LRRC7: variants seen among roughly 807,000 people sequenced by gnomAD.
LRRC7 encodes the protein leucine-rich repeat-containing protein 7.
A neutral mutation model predicts 175.7 loss-of-function variants in LRRC7; 23 were observed. That is an observed-to-expected ratio of 0.13 (90% CI 0.09 to 0.19). The LOEUF is 0.19. Among genes scored for constraint, LRRC7 ranks in the 10% least tolerant of loss-of-function variants. The probability of loss-of-function intolerance (pLI) is 1.00; values close to 1 mark genes in which losing one functional copy is unlikely to be tolerated. For missense variants in LRRC7, 1,354 were observed against 1,904.7 expected (o/e 0.71, Z 5.38); for synonymous variants, 685 against 680.9 (o/e 1.01, Z -0.09).
intron 18 of LRRC7, among the ~76,000 whole-genome samples, chr1:70,035,027 C>T (rs1030899392): frequency 6.6e-6 from 1 of 152,002 alleles, no homozygotes; most frequent in Non-Finnish European, 1.5e-5. Context: ...TAAGACAGGA[C>T]TTTTTAAATT....
chr1:70,127,983 A>G lies in LRRC7; in HGVS notation c.*6096A>G, dbSNP rs887764200. On this transcript the variant is annotated 3_prime_UTR_variant, in exon 27 of 27. Coordinates refer to ENST00000651989, the MANE Select transcript of LRRC7 (RefSeq NM_001370785.2). ...CTTTTCTTTCTTTTTTTTTCTTGAGACAGAGTCTTGCTGTGTCACCCAGGC... is the reference window on the plus strand; with the variant it reads ...CTTTTCTTTCTTTTTTTTTCTTGAGGCAGAGTCTTGCTGTGTCACCCAGGC... Among the ~76,000 whole-genome samples the G allele has an allele frequency of 1.3e-5, 2 of 151,724 alleles. No homozygotes were observed. Among genetic ancestry groups the G allele is most frequent in the Non-Finnish European group, 2.9e-5 (2 of 67,940 alleles).
intron 21 of LRRC7, among the ~76,000 whole-genome samples, chr1:70,041,721 A>G (rs750301626): frequency 6.6e-6 from 1 of 152,270 alleles, no homozygotes; most frequent in East Asian, 1.9e-4. Flanking sequence ...AGTGAAAACA[A>G]CTAATGAAAA....
At position 69,591,598 on chromosome 1, in the gene LRRC7, CT is replaced by C. The variant is rs556809601; in HGVS notation, c.2+22958del. On this transcript the variant is annotated intron_variant, in intron 1 of 26. Transcript: ENST00000651989. ...TCTGGTCCTTAGTGTTTTCACAACT[CT>C]ATGGTTCCACAGTTTTACATAATCC... Among the ~76,000 whole-genome samples, 315 of 152,164 alleles carry C rather than the reference CT, an allele frequency of 2.1e-3. 2 individuals carry two copies. The highest frequency in any genetic ancestry group is 7.3e-3 in the African/African-American group (302 of 41,552).
rs373179696 is a variant in LRRC7, at chr1:69,575,515, T to A, written c.2+6874T>A. On this transcript the variant is annotated intron_variant, in intron 1 of 26. Transcript: ENST00000651989. Reference sequence around the variant, plus strand: ...ACTTGACTGTCTAGGCAGACTCCTATGCTATAAATTTAACATCTGTTAAGT... The same window carrying A: ...ACTTGACTGTCTAGGCAGACTCCTAAGCTATAAATTTAACATCTGTTAAGT... Among the ~76,000 whole-genome samples, 246 of 152,306 alleles carry A rather than the reference T, an allele frequency of 1.6e-3. 1 individual carries two copies. The Middle Eastern group carries it at 0.048, about 29-fold the overall frequency.
intron 1 of LRRC7, among the ~76,000 whole-genome samples, chr1:69,627,495 T>C (rs113228715): frequency 0.13 from 19,529 of 152,222 alleles, 1,599 homozygotes; most frequent in South Asian, 0.19. Context: ...GATGGGTAGA[T>C]TGCAAATATT....
At chr1:70,018,481 G>A (rs1220290723) in intron 14 of LRRC7, among the ~76,000 whole-genome samples, 1 of 152,024 alleles carries the variant, frequency 6.6e-6, no homozygotes, top group Non-Finnish European at 1.5e-5. Context: ...TTGCCCAGTT[G>A]AATAGGTTTT....
At chr1:69,805,271 T>TC (rs2101112614) in intron 4 of LRRC7, among the ~76,000 whole-genome samples, 1 of 151,896 alleles carries the variant, frequency 6.6e-6, no homozygotes, top group Non-Finnish European at 1.5e-5. Flanking sequence ...GGACTTTTTT[T>TC]CTCTCAAATA....
At chr1:69,819,575 C>CTGAGTG (rs1343426681) in intron 4 of LRRC7, among the ~76,000 whole-genome samples, 3 of 133,254 alleles carry the variant, frequency 2.3e-5, no homozygotes, top group African/African-American at 9.4e-5. Flanking sequence ...CTCTCTCTCT[C>CTGAGTG]TCTGTGTGTG....
chr1:69,607,013 G>T (rs1250733205), intron 1 of LRRC7: 2 of 152,056 alleles, frequency 1.3e-5, no homozygotes, highest in Non-Finnish European at 2.9e-5. Flanking sequence ...TTGGTTTTAT[G>T]ATTTGACTAT....
chr1:69,790,883 A>G (rs547871632), intron 3 of LRRC7, among the ~76,000 whole-genome samples: 2 of 152,152 alleles, frequency 1.3e-5, no homozygotes, highest in Non-Finnish European at 2.9e-5. Flanking sequence ...GGCACCAAAC[A>G]TGACCCAAAG....
chr1:70,039,196 T>A lies in LRRC7; in HGVS notation c.3372T>A (p.Phe1124Leu), dbSNP rs773385783. The change falls in exon 21 of 27, where the codon TTT becomes TTA. Residue 1124 changes from phenylalanine (F) to leucine (L), a missense_variant. Physicochemically the swap from Phe to Leu is conservative, Grantham distance 22. Coordinates refer to ENST00000651989, the MANE Select transcript of LRRC7 (RefSeq NM_001370785.2). ...YRGYPPMEQM[F>L]SFSQPSVNED... ...GATACCCACCGATGGAGCAAATGTT[T>A]TCATTTTCTCAGCCATCTGTGAATG... 6.2e-7 allele frequency: 1 copy of A among 1,614,148 alleles called. No homozygotes were observed. The highest frequency in any genetic ancestry group is 1.7e-5 in the Admixed American group (1 of 60,028).
intron 1 of LRRC7, among the ~76,000 whole-genome samples, chr1:69,588,737 A>C (rs868835473): frequency 2.0e-4 from 30 of 152,210 alleles, no homozygotes; most frequent in Non-Finnish European, 3.7e-4. Flanking sequence ...CTAAACTATT[A>C]AAGTCTAGAG....
At chr1:69,904,379 T>C (rs1257600869) in intron 7 of LRRC7, among the ~76,000 whole-genome samples, 2 of 152,084 alleles carry the variant, frequency 1.3e-5, no homozygotes, top group African/African-American at 4.8e-5. Flanking sequence ...ACAATGCATG[T>C]AGAATCACAG....
chr1:69,949,671 GTATTTTAACAATGCCA>G (rs764726292), intron 8 of LRRC7, among the ~76,000 whole-genome samples: 47 of 151,838 alleles, frequency 3.1e-4, no homozygotes, highest in Admixed American at 9.2e-4. Context: ...CAATATTTTG[GTATTTTAACAATGCCA>G]TAAACAACTT....
At position 69,938,994 on chromosome 1, in the gene LRRC7, A is replaced by ATT. The variant is rs1408027617; in HGVS notation, c.711+7425_711+7426dup. On this transcript the variant is annotated intron_variant, in intron 8 of 26. Transcript: ENST00000651989. ...ATTTGTAAAGCCACTAAGGCTGTAG[A>ATT]TTATATATATATATATATATCTATA... 9.7e-4 allele frequency among the ~76,000 whole-genome samples: 116 copies of ATT among 118,982 alleles called. 3 individuals carry two copies. Among genetic ancestry groups the ATT allele is most frequent in the African/African-American group, 3.6e-3 (106 of 29,556 alleles). The allele number at this position is 118,982 out of a possible 152,430, so 78.1% of individuals were successfully genotyped here.
intron 2 of LRRC7, among the ~76,000 whole-genome samples, chr1:69,732,358 T>C (rs1667671529): frequency 1.3e-5 from 2 of 152,148 alleles, no homozygotes; most frequent in South Asian, 4.1e-4. Context: ...ATACAGCTAA[T>C]TGCTCAAGGA....
At chr1:69,888,295 T>G (rs12740339) in intron 7 of LRRC7, among the ~76,000 whole-genome samples, 85,424 of 151,652 alleles carry the variant, frequency 0.56, 24,122 homozygotes, top group East Asian at 0.7. Flanking sequence ...GACCCTCGGA[T>G]CCAGGTGCGG....
Position 69,671,960 on chromosome 1 carries a change from A to G in LRRC7, c.3-6421A>G, listed in dbSNP as rs182363927. On this transcript the variant is annotated intron_variant, in intron 1 of 26. Coordinates refer to ENST00000651989, the MANE Select transcript of LRRC7 (RefSeq NM_001370785.2). ...TTTCAGTGACATGAAGTTAAAACCA[A>G]GCACTGTGAGTGTTCACCTGGTTTT... 7.2e-5 allele frequency among the ~76,000 whole-genome samples: 11 copies of G among 152,268 alleles called. No homozygotes were observed. The East Asian group carries it at 2.1e-3, about 29-fold the overall frequency.
Position 70,053,083 on chromosome 1 carries a change from G to A in LRRC7, c.4168G>A (p.Gly1390Ser), listed in dbSNP as rs776919531. ...DNGQEDVSPS[G>S]QWNPYPLGRR... Reference sequence around the variant, plus strand: ...TGGACAAGAAGATGTATCTCCTAGTGGCCAATGGAATCCTTATCCACTTGG... The same window carrying A: ...TGGACAAGAAGATGTATCTCCTAGTAGCCAATGGAATCCTTATCCACTTGG... The change falls in exon 23 of 27, where the codon GGC (glycine) becomes AGC (serine). Residue 1390 changes from glycine (G) to serine (S), a missense_variant. This residue lies in a region of LRRC7 where 1,032 missense variants were observed against 1,227.2 expected (regional missense o/e 0.84). Coordinates refer to ENST00000651989, the MANE Select transcript of LRRC7 (RefSeq NM_001370785.2). 8.1e-6 allele frequency: 13 copies of A among 1,611,256 alleles called. No individual in the cohort carries two copies. The East Asian group carries it at 8.9e-5, about 11-fold the overall frequency.
Sources: allele counts gnomAD v4.1 joint callset (sites outside exome capture counted in the v4.1 genomes callset), GRCh38; gene constraint gnomAD v4.1.1; regional missense constraint gnomAD v4.1.1; transcripts MANE v1.5; gene names NCBI Gene and HGNC (gene_info 2026-07-23, HGNC 2026-07-21).